Variants in ESPL1 observed in about 807,000 individuals in gnomAD.
The protein encoded by ESPL1 is extra spindle pole bodies like 1, separase.
A neutral mutation model predicts 217.2 loss-of-function variants in ESPL1; 50 were observed. The ratio of observed to expected loss-of-function variants is 0.23; its 90% CI spans 0.18 to 0.29. ESPL1 has a LOEUF of 0.29. Ranked by LOEUF, ESPL1 falls within the 10% of genes least tolerant of loss-of-function variation. The probability of loss-of-function intolerance (pLI) is 1.00; values close to 1 mark genes in which losing one functional copy is unlikely to be tolerated. For synonymous variants in ESPL1, 994 were observed against 1,081.3 expected (o/e 0.92, Z 1.58); for missense variants, 1,834 against 2,603.0 (o/e 0.70, Z 6.43).
chr12:53,286,817 C>G lies in ESPL1; in HGVS notation c.4081C>G (p.Pro1361Ala). ...DRIRQAGPHVPFTVFEEVCPT... is the reference protein window; with the variant it reads ...DRIRQAGPHVAFTVFEEVCPT... Reference sequence around the variant, plus strand: ...GATCAGGCAAGCTGGCCCTCATGTCCCCTTCACGGTGTTTGAGGAAGTCTG... The same window carrying G: ...GATCAGGCAAGCTGGCCCTCATGTCGCCTTCACGGTGTTTGAGGAAGTCTG... Residue 1361 changes from proline to alanine, a missense_variant, in exon 18 of 31, where the codon CCC becomes GCC. By Grantham distance (27) the Pro-to-Ala change is conservative. This residue lies in a region of ESPL1 where 681 missense variants were observed against 808.0 expected (regional missense o/e 0.84). Transcript: ENST00000257934. This position sits in a 1 kb window ranked among gnomAD's most constrained non-coding sequence, Gnocchi z 5.3. The G allele has an allele frequency of 6.2e-7, 1 of 1,614,090 alleles. No homozygotes were observed. The highest frequency in any genetic ancestry group is 8.5e-7 in the Non-Finnish European group (1 of 1,180,038).
intron 6 of ESPL1, 55 bp downstream of exon 6, chr12:53,272,912 G>T (rs1337058587): frequency 1.9e-6 from 3 of 1,595,802 alleles, no homozygotes; most frequent in African/African-American, 1.3e-5. Flanking sequence ...GGAGCGGGGG[G>T]AGCGGGGAAG....
intron 13 of ESPL1, 64 bp downstream of exon 13, chr12:53,281,690 A>G (rs1437600127): frequency 1.3e-6 from 2 of 1,507,692 alleles, no homozygotes; most frequent in South Asian, 1.2e-5. Context: ...GATTTTCTTG[A>G]TATTTGCCTG....
rs748301352 is a variant in ESPL1, at chr12:53,268,796, G to A, written c.30G>A (p.Gly10=). 2 of 1,612,702 alleles carry A rather than the reference G, an allele frequency of 1.2e-6. No homozygotes were observed. Among genetic ancestry groups the A allele is most frequent in the Non-Finnish European group, 1.7e-6 (2 of 1,179,622 alleles). The change falls in exon 2 of 31, where the codon GGG becomes GGA. Residue 10 remains glycine, a synonymous_variant. Coordinates refer to ENST00000257934, the MANE Select transcript of ESPL1 (RefSeq NM_012291.5). ...GGAGCTTCAAAAGAGTCAACTTTGGGACTCTGCTAAGCAGCCAGAAGGAGG... is the reference window on the plus strand; with the variant it reads ...GGAGCTTCAAAAGAGTCAACTTTGGAACTCTGCTAAGCAGCCAGAAGGAGG... The part of the protein sequence containing the change: MRSFKRVNF[G]TLLSSQKEAE...
rs911232010 is a variant in ESPL1, at chr12:53,281,421, G to A, written c.2500-86G>A. The A allele has an allele frequency of 2.8e-6, 4 of 1,407,572 alleles. No homozygotes were observed. The African/African-American group carries it at 5.7e-5, about 20-fold the overall frequency. 87.2% of individuals were successfully genotyped at this position (1,407,572 alleles called of 1,614,324 possible). A position where few individuals can be genotyped will look rare whatever the true frequency, so the allele number is the denominator to read the frequency against. Reference sequence around the variant, plus strand: ...CCCAAAGTGCTGGGATTACAGGTGTGAGCCACATGGCCACCCTTATTTACT... The same window carrying A: ...CCCAAAGTGCTGGGATTACAGGTGTAAGCCACATGGCCACCCTTATTTACT... On this transcript the variant is annotated intron_variant, in intron 12 of 30. Transcript: ENST00000257934.
At position 53,270,019 on chromosome 12, in the gene ESPL1, C is replaced by T; in HGVS notation, c.1077C>T (p.Ala359=). The change falls in exon 3 of 31, where the codon GCC becomes GCT. Residue 359 remains alanine, a synonymous_variant. Coordinates refer to ENST00000257934, the MANE Select transcript of ESPL1 (RefSeq NM_012291.5). ...CCAAGAGGCGCTATAGACTTGATGC[C>T]ATTCTGAGCCTCTTTGCTTTTCTTG... ...RGTKRRYRLD[A]ILSLFAFLGG... 2 of 1,614,148 alleles carry T rather than the reference C, an allele frequency of 1.2e-6. No homozygotes were observed. Among genetic ancestry groups the T allele is most frequent in the South Asian group, 1.1e-5 (1 of 91,078 alleles).
At chr12:53,289,877 CTT>C in intron 22 of ESPL1, 1 of 619,242 alleles carries the variant, frequency 1.6e-6, no homozygotes, top group East Asian at 2.8e-5. Flanking sequence ...GAGTGCCTCA[CTT>C]TGTTAGTTGC....
chr12:53,270,081 A>G lies in ESPL1; in HGVS notation c.1139A>G (p.Asp380Gly). The change falls in exon 3 of 31, where the codon GAT (aspartate) becomes GGT (glycine). Residue 380 changes from aspartate to glycine, a missense_variant. Asp to Gly is a moderately conservative substitution (Grantham distance 94). This residue lies in a region of ESPL1 where 746 missense variants were observed against 1,077.0 expected (regional missense o/e 0.69). Coordinates refer to ENST00000257934, the MANE Select transcript of ESPL1 (RefSeq NM_012291.5). ...YCSLLQQLRDDGVYGGSSKQQ... is the reference protein window; with the variant it reads ...YCSLLQQLRDGGVYGGSSKQQ... ...TCTCTTCTGCAGCAGCTGCGGGATG[A>G]TGGTGTGAGTTAAGGACCTGGAGGT... 5 of 1,604,818 alleles carry G rather than the reference A, an allele frequency of 3.1e-6. No homozygotes were observed. Among genetic ancestry groups the G allele is most frequent in the Non-Finnish European group, 4.3e-6 (5 of 1,175,354 alleles).
rs747828218 is a variant in ESPL1 at position 53,292,074 on chromosome 12, T to G, written c.5782T>G (p.Ser1928Ala). Residue 1928 changes from serine (S) to alanine (A), a missense_variant, in exon 27 of 31, where the codon TCC (serine) becomes GCC (alanine). Ser to Ala is a moderately conservative substitution (Grantham distance 99). Around this residue, in one of 5 missense-constraint regions of ESPL1, gnomAD observed 295 missense variants for 519.8 expected, o/e 0.57. Coordinates refer to ENST00000257934, the MANE Select transcript of ESPL1 (RefSeq NM_012291.5). This position sits in a 1 kb window ranked among gnomAD's most constrained non-coding sequence, Gnocchi z 4.5. The part of the protein sequence containing the change: ...LPSFRFLLSY[S>A]IIKEYGASPV... ...CTCCTTCCGCTTCCTACTCAGCTAC[T>G]CCATCATCAAAGAGGTGGGGTTCAG... 3 of 1,613,444 alleles carry G rather than the reference T, an allele frequency of 1.9e-6. No individual in the cohort carries two copies. In the South Asian group the frequency reaches 3.3e-5, roughly 18 times the overall value.
intron 11 of ESPL1, among the ~76,000 whole-genome samples, chr12:53,278,232 T>A (rs1363855347): frequency 6.6e-6 from 1 of 152,138 alleles, no homozygotes; most frequent in Non-Finnish European, 1.5e-5. Flanking sequence ...AGTGCAGCAG[T>A]GCATGGAAGA....
rs370553438 is a variant in ESPL1, at chr12:53,287,864, GGTCCT to G, written c.4177-105_4177-101del. ...AGAAGTTAGTTCTGAAATCTTCCAG[GGTCCT>G]GTGTGATGGTGCCTGATGGTGCCTC... On this transcript the variant is annotated intron_variant, in intron 18 of 30. Transcript: ENST00000257934. 40 of 1,091,882 alleles carry G rather than the reference GGTCCT, an allele frequency of 3.7e-5. No homozygotes were observed. In the South Asian group the frequency reaches 5.1e-4, roughly 14 times the overall value. 67.6% of individuals were successfully genotyped at this position (1,091,882 alleles called of 1,614,324 possible). A position where few individuals can be genotyped will look rare whatever the true frequency, so the allele number is the denominator to read the frequency against.
In ESPL1 at chr12:53,292,016, C is replaced by T; in HGVS notation, c.5724C>T (p.Pro1908=). The T allele has an allele frequency of 6.2e-7, 1 of 1,614,100 alleles. No individual in the cohort carries two copies. The highest frequency in any genetic ancestry group is 8.5e-7 in the Non-Finnish European group (1 of 1,180,008). Reference sequence around the variant, plus strand: ...AGAAGCTGCCGTGGGAAAGCATGCCCAGCCTCCAAGCACTGCCTGTCACCC... The same window carrying T: ...AGAAGCTGCCGTGGGAAAGCATGCCTAGCCTCCAAGCACTGCCTGTCACCC... ...DLQKLPWESM[P]SLQALPVTRL... is the part of the protein sequence containing the mutation. The change falls in exon 27 of 31, where the codon CCC becomes CCT. Residue 1908 remains proline, a synonymous_variant. Coordinates refer to ENST00000257934, the MANE Select transcript of ESPL1 (RefSeq NM_012291.5). The surrounding 1 kb of genome is among the most constrained non-coding windows in gnomAD (Gnocchi z 4.5).
At position 53,270,382 on chromosome 12, in the gene ESPL1, A is replaced by T. The variant is rs777431005; in HGVS notation, c.1148A>T (p.Tyr383Phe). Residue 383 changes from tyrosine (Y) to phenylalanine (F), a missense_variant, in exon 4 of 31, where the codon TAT becomes TTT. Physicochemically the swap from Tyr to Phe is conservative, Grantham distance 22. Coordinates refer to ENST00000257934, the MANE Select transcript of ESPL1 (RefSeq NM_012291.5). ...LLQQLRDDGV[Y>F]GGSSKQQQSF... is the part of the protein sequence containing the mutation. ...ACCTTCCGCTTCCTTCCTCAGGTGT[A>T]TGGGGGCTCCTCCAAGCAACAGCAG... 8 of 1,609,566 alleles carry T rather than the reference A, an allele frequency of 5.0e-6. No individual in the cohort carries two copies. Among genetic ancestry groups the T allele is most frequent in the South Asian group, 1.1e-5 (1 of 91,010 alleles).
intron 24 of ESPL1, 151 bp downstream of exon 24, chr12:53,290,620 G>GCA (rs1944037611): frequency 2.7e-6 from 2 of 730,148 alleles, no homozygotes; most frequent in African/African-American, 3.5e-5. Context: ...GTCACCTGGG[G>GCA]AGAACTTCAG....
Position 53,270,463 on chromosome 12 carries a change from A to G in ESPL1, c.1229A>G (p.Asp410Gly), listed in dbSNP as rs1408342293. ...CACCTCTACACTGTGGTGGTTTATG[A>G]CTTTGCCCAAGGCTGTCAGGTACTG... ...GLHLYTVVVYDFAQGCQIVDL... is the reference protein window; with the variant it reads ...GLHLYTVVVYGFAQGCQIVDL... Residue 410 changes from aspartate to glycine, a missense_variant, in exon 4 of 31, where the codon GAC (aspartate) becomes GGC (glycine). Around this residue, in one of 5 missense-constraint regions of ESPL1, gnomAD observed 746 missense variants for 1,077.0 expected, o/e 0.69. Coordinates refer to ENST00000257934, the MANE Select transcript of ESPL1 (RefSeq NM_012291.5). 1.2e-6 allele frequency: 2 copies of G among 1,613,064 alleles called. No individual in the cohort carries two copies. The highest frequency in any genetic ancestry group is 1.3e-5 in the African/African-American group (1 of 74,836).
rs1330646790 is a variant in ESPL1 at position 53,272,877 on chromosome 12, G to T, written c.1506+20G>T. On this transcript the variant is annotated intron_variant, in intron 6 of 30. Coordinates refer to ENST00000257934, the MANE Select transcript of ESPL1 (RefSeq NM_012291.5). The stretch of plus-strand genomic sequence containing the variant: ...GAGAAGGTACAAGGGAATGAGAGAT[G>T]CAGGAAAGGAGCTTATGTGGTTGGG... 6 of 1,612,718 alleles carry T rather than the reference G, an allele frequency of 3.7e-6. No homozygotes were observed. In the South Asian group the frequency reaches 4.4e-5, roughly 12 times the overall value.
chr12:53,281,431 G>C, intron 12 of ESPL1, 76 bp from the exon 13 acceptor site: 1 of 1,496,978 alleles, frequency 6.7e-7, no homozygotes, highest in South Asian at 1.2e-5. Context: ...GAGCCACATG[G>C]CCACCCTTAT....
Position 53,291,761 on chromosome 12 carries a change from C to A in ESPL1, c.5592C>A (p.Thr1864=), listed in dbSNP as rs1944064128. ...IQALAYGLCP[T]QPERAQELLN... ...CCCTGGCCTACGGGCTGTGCCCAACCCAGCCAGAGCGAGCCCAGGAGCTCC... is the reference window on the plus strand; with the variant it reads ...CCCTGGCCTACGGGCTGTGCCCAACACAGCCAGAGCGAGCCCAGGAGCTCC... The change falls in exon 26 of 31, where the codon ACC becomes ACA. Residue 1864 remains threonine, a synonymous_variant. Transcript: ENST00000257934. 4 of 1,613,362 alleles carry A rather than the reference C, an allele frequency of 2.5e-6. No individual in the cohort carries two copies. Among genetic ancestry groups the A allele is most frequent in the Middle Eastern group, 1.6e-4 (1 of 6,078 alleles).
At chr12:53,270,254 C>T (rs1200678274) in intron 3 of ESPL1, 124 bp from the exon 4 acceptor site, 6 of 939,750 alleles carry the variant, frequency 6.4e-6, no homozygotes, top group Non-Finnish European at 1.7e-6. Flanking sequence ...GGGCAGTGGC[C>T]CTTCTGGATG....
chr12:53,286,084 T>C lies in ESPL1; in HGVS notation c.3348T>C (p.Pro1116=). ...TGGTGGCCACTGTGGCCAAGGAGCC[T>C]GGCCCCATAGCACCTTCTACAAACT... The part of the protein sequence containing the change: ...LELVATVAKE[P]GPIAPSTNSS... The change falls in exon 18 of 31, where the codon CCT becomes CCC. Residue 1116 remains proline, a synonymous_variant. Coordinates refer to ENST00000257934, the MANE Select transcript of ESPL1 (RefSeq NM_012291.5). The surrounding 1 kb of genome is among the most constrained non-coding windows in gnomAD (Gnocchi z 5.3). The C allele has an allele frequency of 6.2e-7, 1 of 1,612,244 alleles. No individual in the cohort carries two copies. The highest frequency in any genetic ancestry group is 2.2e-5 in the East Asian group (1 of 44,826).
Sources: gnomAD v4.1 joint callset for allele counts (sites outside exome capture counted in the v4.1 genomes callset) on GRCh38, gnomAD v4.1.1 for gene constraint, gnomAD v4.1.1 regional missense constraint, Gnocchi (gnomAD v3.1) non-coding constraint, MANE v1.5 for transcripts, NCBI Gene and HGNC (gene_info 2026-07-23, HGNC 2026-07-21) for gene names.